Variants in DOCK1 observed in about 807,000 individuals in gnomAD.
DOCK1 encodes the protein dedicator of cytokinesis 1.
A neutral mutation model predicts 262.7 loss-of-function variants in DOCK1; 138 were observed. The ratio of observed to expected loss-of-function variants is 0.53; its 90% CI spans 0.46 to 0.61. The LOEUF is 0.61. Ranked by LOEUF, DOCK1 falls within the 20% of genes least tolerant of loss-of-function variation. DOCK1 has a pLI of 0.00. For missense variants in DOCK1, 1,908 were observed against 2,370.7 expected (o/e 0.80, Z 4.05); for synonymous variants, 866 against 867.4 (o/e 1.00, Z 0.03).
intron 6 of DOCK1, among the ~76,000 whole-genome samples, chr10:126,992,160 T>G (rs1025067182): frequency 2.0e-5 from 3 of 152,172 alleles, no homozygotes; most frequent in Non-Finnish European, 4.4e-5. Context: ...AGATATTAGC[T>G]ATTGTTGCAG....
At chr10:127,194,386 T>C (rs904857917) in intron 27 of DOCK1, among the ~76,000 whole-genome samples, 1 of 152,234 alleles carries the variant, frequency 6.6e-6, no homozygotes, top group Admixed American at 6.5e-5. Flanking sequence ...GAGCTCCTTG[T>C]GCATGTTTGC....
At position 127,110,293 on chromosome 10, in the gene DOCK1, G is replaced by C. The variant is rs2048787611; in HGVS notation, c.2562G>C (p.Leu854=). The change falls in exon 25 of 52, where the codon CTG becomes CTC. Residue 854 remains leucine (L), a synonymous_variant. Coordinates refer to ENST00000623213, the MANE Select transcript of DOCK1 (RefSeq NM_001290223.2). The stretch of plus-strand genomic sequence containing the variant: ...TCCTCAATGTTCCCATGGGCTTGCT[G>C]ACCATCCAGAAACTCTACTGCTTGA... The part of the protein sequence containing the change: ...EFILNVPMGL[L]TIQKLYCLIE... 4.3e-6 allele frequency: 7 copies of C among 1,613,622 alleles called. No homozygotes were observed. The East Asian group carries it at 1.6e-4, about 36-fold the overall frequency.
intron 31 of DOCK1, among the ~76,000 whole-genome samples, chr10:127,351,576 T>C (rs1390726848): frequency 6.6e-6 from 1 of 152,108 alleles, no homozygotes; most frequent in East Asian, 1.9e-4. Context: ...TTTGCTTCTC[T>C]CCTGTATGAC....
intron 29 of DOCK1, among the ~76,000 whole-genome samples, chr10:127,331,573 C>T (rs1003778303): frequency 6.6e-6 from 1 of 152,144 alleles, no homozygotes; most frequent in Non-Finnish European, 1.5e-5. Context: ...TGAGCCACGG[C>T]GCCCGGCCCG....
chr10:127,348,461 AG>A (rs2063742214), intron 31 of DOCK1, among the ~76,000 whole-genome samples: 1 of 152,200 alleles, frequency 6.6e-6, no homozygotes, highest in Non-Finnish European at 1.5e-5. Context: ...TTCTGTGTTC[AG>A]GACCGGAAGA....
chr10:126,991,031 A>C (rs2039748465), intron 6 of DOCK1, among the ~76,000 whole-genome samples: 1 of 152,238 alleles, frequency 6.6e-6, no homozygotes, highest in African/African-American at 2.4e-5. Context: ...ATCACTGGAA[A>C]GTTTGTCACC....
At chr10:126,984,473 A>C (rs990912553) in intron 4 of DOCK1, among the ~76,000 whole-genome samples, 1 of 151,152 alleles carries the variant, frequency 6.6e-6, no homozygotes, top group African/African-American at 2.4e-5. Flanking sequence ...TAGCCTCCCC[A>C]GTGGCTGGGA....
chr10:127,019,041 G>A (rs1044439852), intron 13 of DOCK1: 1 of 719,028 alleles, frequency 1.4e-6, no homozygotes, highest in Non-Finnish European at 2.2e-6. Context: ...TGTACCCCTG[G>A]ATGGATCAGC....
intron 29 of DOCK1, among the ~76,000 whole-genome samples, chr10:127,292,415 G>C (rs531499176): frequency 2.7e-4 from 41 of 152,268 alleles, no homozygotes; most frequent in Middle Eastern, 3.4e-3. Flanking sequence ...CTTGCTTCAT[G>C]AGAAGTGGAA....
chr10:127,175,782 C>T lies in DOCK1; in HGVS notation c.2847+48018C>T, dbSNP rs762505186. ...AGTGGAGTTTTGGAGCGCAGCTTCT[C>T]CATAGCTGAGCGGCTCCGGGCTTTT... is the stretch of plus-strand genomic sequence containing the variant. On this transcript the variant is annotated intron_variant, in intron 27 of 51. Coordinates refer to ENST00000623213, the MANE Select transcript of DOCK1 (RefSeq NM_001290223.2). This position sits in a 1 kb window ranked among gnomAD's most constrained non-coding sequence, Gnocchi z 6.3. The T allele has an allele frequency of 2.4e-5, 39 of 1,613,982 alleles. No homozygotes were observed. The Admixed American group carries it at 3.3e-4, about 14-fold the overall frequency.
intron 1 of DOCK1, among the ~76,000 whole-genome samples, chr10:126,939,002 G>A (rs2034774632): frequency 1.6e-5 from 2 of 125,670 alleles, no homozygotes; most frequent in Admixed American, 1.8e-4. Flanking sequence ...CGGAGGGGAC[G>A]AACACCGGAG....
chr10:127,027,334 C>T (rs976963478), intron 16 of DOCK1, among the ~76,000 whole-genome samples: 2 of 152,224 alleles, frequency 1.3e-5, no homozygotes, highest in Admixed American at 6.5e-5. Context: ...GTGGCTCACA[C>T]CTGTAATCCC....
chr10:126,998,529 T>C (rs1002744237), intron 8 of DOCK1: 1 of 307,080 alleles, frequency 3.3e-6, no homozygotes, highest in Non-Finnish European at 6.1e-6. Context: ...TAGCTGAAGA[T>C]TGAAGTAATA....
Position 127,124,670 on chromosome 10 carries a change from C to T in DOCK1, c.2624-804C>T, listed in dbSNP as rs185028446. ...GCGTCCCAGAGTGGGGCCTCTGCAC[C>T]TGCTTTTCATTTCCTGTTCCTCCTC... is the stretch of plus-strand genomic sequence containing the variant. On this transcript the variant is annotated intron_variant, in intron 25 of 51. Transcript: ENST00000623213. Among the ~76,000 whole-genome samples the T allele has an allele frequency of 1.3e-3, 204 of 152,296 alleles. 1 individual carries two copies. The highest frequency in any genetic ancestry group is 4.7e-3 in the African/African-American group (195 of 41,568).
intron 1 of DOCK1, among the ~76,000 whole-genome samples, chr10:126,946,858 T>C (rs893010187): frequency 2.0e-5 from 3 of 152,230 alleles, no homozygotes; most frequent in Admixed American, 2.0e-4. Context: ...TTGACTGTTG[T>C]GAACAACTTG....
chr10:127,325,523 C>T (rs1297534906), intron 29 of DOCK1, among the ~76,000 whole-genome samples: 2 of 152,212 alleles, frequency 1.3e-5, no homozygotes, highest in African/African-American at 2.4e-5. Flanking sequence ...GTCAGTGGTA[C>T]AGCCTGGATT....
At chr10:127,042,347 C>T (rs1035780453) in intron 19 of DOCK1, among the ~76,000 whole-genome samples, 1 of 152,176 alleles carries the variant, frequency 6.6e-6, no homozygotes, top group African/African-American at 2.4e-5. Context: ...TTATGAAAAC[C>T]GGAAAGAGGG....
intron 25 of DOCK1, among the ~76,000 whole-genome samples, chr10:127,112,411 G>T (rs2048923547): frequency 1.3e-5 from 2 of 152,118 alleles, no homozygotes; most frequent in South Asian, 4.1e-4. Context: ...GTTAGCTTAG[G>T]TGTTTGTAAT....
chr10:126,944,062 G>A (rs1178423873), intron 1 of DOCK1, among the ~76,000 whole-genome samples: 1 of 150,724 alleles, frequency 6.6e-6, no homozygotes, highest in African/African-American at 2.4e-5. Flanking sequence ...AAGGAGAGGA[G>A]ACAGGTGATG....
Sources: gnomAD v4.1 joint callset for allele counts (sites outside exome capture counted in the v4.1 genomes callset) on GRCh38, gnomAD v4.1.1 for gene constraint, Gnocchi (gnomAD v3.1) non-coding constraint, MANE v1.5 for transcripts, NCBI Gene and HGNC (gene_info 2026-07-23, HGNC 2026-07-21) for gene names.